RBM20: variants seen among roughly 807,000 people sequenced by gnomAD.
RBM20 encodes the protein RNA binding motif protein 20, also known as RNA-binding protein 20.
In RBM20, 51 loss-of-function variants were observed where a neutral mutation model predicts 110.1. The observed-to-expected ratio is 0.46, with a 90% CI of 0.37 to 0.59. RBM20 has a LOEUF of 0.59. Ranked by LOEUF, RBM20 falls within the 20% of genes least tolerant of loss-of-function variation. The pLI is 0.00. For missense variants in RBM20, 1,512 were observed against 1,574.9 expected, an observed-to-expected ratio of 0.96 and a Z score of 0.68; for synonymous variants, 589 against 618.2, an observed-to-expected ratio of 0.95 and a Z score of 0.70.
At chr10:110,737,569 G>A (rs922333786) in intron 1 of RBM20, among the ~76,000 whole-genome samples, 6 of 151,330 alleles carry the variant, frequency 4.0e-5, no homozygotes. Flanking sequence ...TCACTCTTCA[G>A]CCTCTGACGA....
At chr10:110,738,790 G>C (rs1843698348) in intron 1 of RBM20, among the ~76,000 whole-genome samples, 1 of 152,200 alleles carries the variant, frequency 6.6e-6, no homozygotes, top group Non-Finnish European at 1.5e-5. Context: ...GCCAGAGCAT[G>C]GAGGCGGGAA....
intron 1 of RBM20, among the ~76,000 whole-genome samples, chr10:110,767,207 G>C (rs1223623545): frequency 1.6e-5 from 2 of 123,718 alleles, no homozygotes; most frequent in African/African-American, 3.0e-5. Flanking sequence ...CTGGCCGGGC[G>C]GGGGGGCTGA....
intron 5 of RBM20, among the ~76,000 whole-genome samples, chr10:110,789,735 T>C (rs1196183152): frequency 6.6e-6 from 1 of 152,122 alleles, no homozygotes; most frequent in African/African-American, 2.4e-5. Context: ...GGTAGGGTGA[T>C]TTGTGTCTGT....
chr10:110,763,387 T>G (rs1329786343), intron 1 of RBM20, among the ~76,000 whole-genome samples: 3 of 151,880 alleles, frequency 2.0e-5, no homozygotes, highest in Non-Finnish European at 4.4e-5. Flanking sequence ...ACTGGGGAGT[T>G]TTGACCTTTT....
intron 1 of RBM20, among the ~76,000 whole-genome samples, chr10:110,756,240 G>A (rs1843919088): frequency 6.6e-6 from 1 of 152,190 alleles, no homozygotes; most frequent in Admixed American, 6.5e-5. Flanking sequence ...TCCCAGATTT[G>A]GATGGAAACC....
chr10:110,729,159 G>A (rs1328570813), intron 1 of RBM20, among the ~76,000 whole-genome samples: 2 of 152,188 alleles, frequency 1.3e-5, no homozygotes, highest in African/African-American at 2.4e-5. Flanking sequence ...CTTGAATACA[G>A]AGAAGGCAAT....
rs1408628604 is a variant in RBM20 at position 110,821,609 on chromosome 10, TG to T, written c.2992del (p.Glu998LysfsTer5). 1 of 1,551,152 alleles carries T rather than the reference TG, an allele frequency of 6.4e-7. No homozygotes were observed. Among genetic ancestry groups the T allele is most frequent in the Non-Finnish European group, 8.7e-7 (1 of 1,146,524 alleles). On this transcript the variant is annotated frameshift_variant, in exon 11 of 14. Coordinates refer to ENST00000369519, the MANE Select transcript of RBM20 (RefSeq NM_001134363.3). LOFTEE classifies it high-confidence loss of function. ...ASTSCPSDMDVEMPGLNLDAE... is the reference protein window; with the variant it reads ...ASTSCPSDMDXEMPGLNLDAE... ...ACAAGCTGTCCCAGTGACATGGACG[TG>T]GAAATGCCTGGCCTAAATCTGGATG...
chr10:110,821,736 A>T lies in RBM20; in HGVS notation c.3117A>T (p.Pro1039=). ...GAGTGGAGAGCTCAGATGTTCATCC[A>T]GCCCCTACAGTCCAGCAAATGTCTT... ...AKGVESSDVH[P]APTVQQMSSP... The change falls in exon 11 of 14, where the codon CCA becomes CCT. Residue 1039 remains proline (P), a synonymous_variant. Transcript: ENST00000369519. The T allele has an allele frequency of 5.8e-6, 9 of 1,551,798 alleles. No individual in the cohort carries two copies. Among genetic ancestry groups the T allele is most frequent in the Non-Finnish European group, 7.0e-6 (8 of 1,147,002 alleles).
intron 12 of RBM20, among the ~76,000 whole-genome samples, chr10:110,828,877 A>G (rs2135134457): frequency 6.6e-6 from 1 of 152,218 alleles, no homozygotes; most frequent in African/African-American, 2.4e-5. Flanking sequence ...GTCTTTGTTC[A>G]AGTGAAATCG....
chr10:110,794,415 C>T (rs1039275366), intron 5 of RBM20, among the ~76,000 whole-genome samples: 2 of 152,174 alleles, frequency 1.3e-5, no homozygotes, highest in African/African-American at 4.8e-5. Flanking sequence ...AGCCAGACAC[C>T]ACACAAAAGC....
intron 1 of RBM20, among the ~76,000 whole-genome samples, chr10:110,670,867 GTTCC>G (rs1420674835): frequency 2.0e-5 from 3 of 152,074 alleles, no homozygotes; most frequent in Admixed American, 2.0e-4. Context: ...TCTCTTTTGT[GTTCC>G]TTCCTTTTAT....
rs921571667 is a variant in RBM20, at chr10:110,836,937, G to A, written c.*959G>A. On this transcript the variant is annotated 3_prime_UTR_variant, in exon 14 of 14. Coordinates refer to ENST00000369519, the MANE Select transcript of RBM20 (RefSeq NM_001134363.3). Reference sequence around the variant, plus strand: ...TTTGGCTCGAGAGGCACAGCTCCAGGCTGTGGAAAACAGAGTTGTCTTGGG... The same window carrying A: ...TTTGGCTCGAGAGGCACAGCTCCAGACTGTGGAAAACAGAGTTGTCTTGGG... The A allele has an allele frequency of 6.6e-6, 1 of 152,268 alleles. No homozygotes were observed. The highest frequency in any genetic ancestry group is 1.5e-5 in the Non-Finnish European group (1 of 68,066). The allele number at this position is 152,268 out of a possible 1,614,324, so 9.4% of individuals were successfully genotyped here.
rs1844650904 is a variant in RBM20, at chr10:110,803,102, A to G, written c.1800+3184A>G. On this transcript the variant is annotated intron_variant, in intron 7 of 13. Coordinates refer to ENST00000369519, the MANE Select transcript of RBM20 (RefSeq NM_001134363.3). ...TAACAATAATGTATACCTTTAATTG[A>G]GTCCCGGTACTCTGGGGCAAAGAAG... is the stretch of plus-strand genomic sequence containing the variant. 2.0e-5 allele frequency among the ~76,000 whole-genome samples: 3 copies of G among 152,314 alleles called. No individual in the cohort carries two copies. The South Asian group carries it at 6.2e-4, about 32-fold the overall frequency.
chr10:110,760,283 T>C (rs1843978929), intron 1 of RBM20, among the ~76,000 whole-genome samples: 2 of 152,124 alleles, frequency 1.3e-5, no homozygotes, highest in South Asian at 4.2e-4. Flanking sequence ...TTGCCCTTAC[T>C]CTTAGCACCT....
Position 110,712,919 on chromosome 10 carries a change from T to C in RBM20, c.192-67882T>C, listed in dbSNP as rs370928076. 3.3e-5 allele frequency among the ~76,000 whole-genome samples: 5 copies of C among 152,248 alleles called. No homozygotes were observed. In the East Asian group the frequency reaches 5.8e-4, roughly 18 times the overall value. Reference sequence around the variant, plus strand: ...ATTCCCCAACACATCTATTACACCCTCTGTAGAGTATCTTAAAATGGTTGC... The same window carrying C: ...ATTCCCCAACACATCTATTACACCCCCTGTAGAGTATCTTAAAATGGTTGC... On this transcript the variant is annotated intron_variant, in intron 1 of 13. Coordinates refer to ENST00000369519, the MANE Select transcript of RBM20 (RefSeq NM_001134363.3).
At chr10:110,682,658 TC>T (rs1862439667) in intron 1 of RBM20, among the ~76,000 whole-genome samples, 1 of 152,220 alleles carries the variant, frequency 6.6e-6, no homozygotes, top group African/African-American at 2.4e-5. Flanking sequence ...GGAAGAAGAT[TC>T]CCAAAGAGGG....
intron 1 of RBM20, among the ~76,000 whole-genome samples, chr10:110,659,262 A>T (rs568814281): frequency 2.0e-5 from 3 of 152,212 alleles, no homozygotes; most frequent in African/African-American, 7.2e-5. Flanking sequence ...GAGAGGCCAT[A>T]TAAGAAGAAT....
intron 1 of RBM20, among the ~76,000 whole-genome samples, chr10:110,756,946 C>T (rs1843929446): frequency 6.6e-6 from 1 of 152,208 alleles, no homozygotes; most frequent in African/African-American, 2.4e-5. Context: ...ACTAAGAGAT[C>T]AGTTAAAGCC....
intron 4 of RBM20, 88 bp downstream of exon 4, chr10:110,784,520 C>A: frequency 1.1e-6 from 1 of 933,236 alleles, no homozygotes; most frequent in Non-Finnish European, 1.7e-6. Context: ...ACCAGGACTT[C>A]CCTGATGTCC....
Sources: gnomAD v4.1 joint callset for allele counts (sites outside exome capture counted in the v4.1 genomes callset) on GRCh38, gnomAD v4.1.1 for gene constraint, MANE v1.5 for transcripts, NCBI Gene and HGNC (gene_info 2026-07-23, HGNC 2026-07-21) for gene names.